Variants in SOX5 observed in about 807,000 individuals in gnomAD.
SOX5 encodes SRY-box transcription factor 5.
SOX5 carries 9 observed loss-of-function variants against 92.0 expected under a neutral mutation model. That is an observed-to-expected ratio of 0.10 (90% CI 0.06 to 0.17). SOX5 has a LOEUF of 0.17. Among genes scored for constraint, SOX5 ranks in the 10% least tolerant of loss-of-function variants. The pLI, the probability that SOX5 is intolerant of heterozygous loss-of-function variation, is 1.00. For synonymous variants in SOX5, 344 were observed against 336.3 expected, an observed-to-expected ratio of 1.02 and a Z score of -0.25; for missense variants, 642 against 944.5, an observed-to-expected ratio of 0.68 and a Z score of 4.20.
intron 7 of SOX5, among the ~76,000 whole-genome samples, chr12:23,661,926 T>C (rs1289394603): frequency 1.3e-5 from 2 of 152,184 alleles, no homozygotes; most frequent in African/African-American, 4.8e-5. Context: ...AATTGATATT[T>C]TAAATTATCT....
chr12:24,031,793 G>C (rs1569509514), intron 4 of SOX5, among the ~76,000 whole-genome samples: 1 of 151,776 alleles, frequency 6.6e-6, no homozygotes, highest in Non-Finnish European at 1.5e-5. Context: ...ATTGAGTATG[G>C]CTGGAGATAA....
intron 9 of SOX5, chr12:23,582,335 G>A: frequency 1.0e-6 from 1 of 967,490 alleles, no homozygotes; most frequent in Non-Finnish European, 1.2e-6. Context: ...ATAAAGAGAT[G>A]GAAGTGTACC....
intron 2 of SOX5, among the ~76,000 whole-genome samples, chr12:24,360,427 A>G (rs1245030263): frequency 6.6e-6 from 1 of 152,224 alleles, no homozygotes; most frequent in African/African-American, 2.4e-5. Context: ...CTTTATGTCA[A>G]CTAGGAAAAT....
chr12:23,759,829 A>G (rs1051491948), intron 3 of SOX5, among the ~76,000 whole-genome samples: 3 of 152,108 alleles, frequency 2.0e-5, no homozygotes, highest in African/African-American at 7.2e-5. Context: ...TTAATTTTCT[A>G]AAATAAGATT....
In SOX5 at chr12:23,665,579, A is replaced by G. The variant is rs2083660090; in HGVS notation, c.811-15T>C. On this transcript the variant is annotated splice_polypyrimidine_tract_variant and intron_variant, in intron 6 of 14. Coordinates refer to ENST00000451604, the MANE Select transcript of SOX5 (RefSeq NM_006940.6). ...TGACCTTGAACCTGCTGAACGTGATAGAGCGAATCAAAGAGAAGAAGTTTC... is the reference window on the plus strand; with the variant it reads ...TGACCTTGAACCTGCTGAACGTGATGGAGCGAATCAAAGAGAAGAAGTTTC... The G allele has an allele frequency of 1.3e-6, 2 of 1,595,196 alleles. No homozygotes were observed. The highest frequency in any genetic ancestry group is 3.6e-5 in the Admixed American group (2 of 55,884).
At chr12:24,305,310 A>G (rs1320027875) in intron 2 of SOX5, among the ~76,000 whole-genome samples, 1 of 152,222 alleles carries the variant, frequency 6.6e-6, no homozygotes, top group Non-Finnish European at 1.5e-5. Flanking sequence ...AGTGTAACAA[A>G]GAGAGATGTC....
Position 24,533,905 on chromosome 12 carries a change from G to A in SOX5, c.-251+28424C>T, listed in dbSNP as rs886397589. On this transcript the variant is annotated intron_variant, in intron 1 of 4. Transcript: ENST00000446891. ...ACAGGAGACAGTCGTTAGTGTGCAC[G>A]CTGTGAATGTATATTATGAATAATG... Among the ~76,000 whole-genome samples the A allele has an allele frequency of 9.9e-5, 15 of 152,184 alleles. No individual in the cohort carries two copies. The South Asian group carries it at 2.5e-3, about 25-fold the overall frequency.
intron 2 of SOX5, among the ~76,000 whole-genome samples, chr12:24,322,992 G>GT (rs1260147856): frequency 6.6e-6 from 1 of 151,508 alleles, no homozygotes; most frequent in African/African-American, 2.4e-5. Context: ...GTTTTGTTTT[G>GT]TTTTTTTAAA....
rs1181119850 is a variant in SOX5 at position 24,183,689 on chromosome 12, T to G, written c.-2+29654A>C. Among the ~76,000 whole-genome samples the G allele has an allele frequency of 2.0e-5, 3 of 152,188 alleles. No homozygotes were observed. In the East Asian group the frequency reaches 5.8e-4, roughly 29 times the overall value. ...AAAACTTCTTCCTGAAAGTGCCACA[T>G]TGTTTCAATTTTTATGTTGTTTTCC... On this transcript the variant is annotated intron_variant, in intron 4 of 4. Coordinates refer to the SOX5 transcript ENST00000446891.
chr12:24,073,835 A>G (rs1942125912), intron 4 of SOX5, among the ~76,000 whole-genome samples: 1 of 152,252 alleles, frequency 6.6e-6, no homozygotes, highest in Non-Finnish European at 1.5e-5. Flanking sequence ...ATGAAATTTT[A>G]CAAAACCATG....
At chr12:23,672,425 C>G (rs1333334493) in intron 6 of SOX5, among the ~76,000 whole-genome samples, 1 of 152,168 alleles carries the variant, frequency 6.6e-6, no homozygotes, top group East Asian at 1.9e-4. Flanking sequence ...TAATTCCCCT[C>G]TTCCTCCTCC....
chr12:24,468,404 T>C (rs779419576), intron 1 of SOX5, among the ~76,000 whole-genome samples: 1 of 152,050 alleles, frequency 6.6e-6, no homozygotes, highest in Non-Finnish European at 1.5e-5. Flanking sequence ...ATGTAAAGTA[T>C]ATAGAACAGA....
intron 1 of SOX5, among the ~76,000 whole-genome samples, chr12:24,523,312 AC>A (rs1950416429): frequency 6.6e-6 from 1 of 152,178 alleles, no homozygotes; most frequent in South Asian, 2.1e-4. Flanking sequence ...TGTCCATACT[AC>A]CCAAAATGAT....
chr12:24,329,565 A>G (rs560226443), intron 2 of SOX5, among the ~76,000 whole-genome samples: 59 of 152,354 alleles, frequency 3.9e-4, no homozygotes, highest in African/African-American at 1.3e-3. Context: ...AATGTTTCCA[A>G]TTAAGAAATT....
At chr12:24,536,772 C>T (rs531672824) in intron 1 of SOX5, among the ~76,000 whole-genome samples, 2 of 152,286 alleles carry the variant, frequency 1.3e-5, no homozygotes, top group African/African-American at 2.4e-5. Context: ...TATTCTTCAT[C>T]ACTACATTAA....
intron 1 of SOX5, among the ~76,000 whole-genome samples, chr12:24,378,990 C>T (rs1214326378): frequency 1.3e-5 from 2 of 152,208 alleles, no homozygotes. Flanking sequence ...GACTGAAAAC[C>T]AATATGCCAA....
chr12:24,068,700 GTGTGTATATATATATATA>G (rs1191304765), intron 4 of SOX5, among the ~76,000 whole-genome samples: 4 of 54,088 alleles, frequency 7.4e-5, no homozygotes, highest in African/African-American at 3.1e-4. Context: ...GTGTGTGTGT[GTGTGTATATATATATATA>G]TATATATATA....
intron 4 of SOX5, among the ~76,000 whole-genome samples, chr12:24,117,880 C>T (rs952867895): frequency 6.6e-6 from 1 of 151,656 alleles, no homozygotes; most frequent in African/African-American, 2.4e-5. Flanking sequence ...ATTAGCTGGG[C>T]GTGATGGCGG....
At chr12:23,947,019 C>T (rs1211906935) in intron 1 of SOX5, among the ~76,000 whole-genome samples, 1 of 151,878 alleles carries the variant, frequency 6.6e-6, no homozygotes, top group Admixed American at 6.6e-5. Flanking sequence ...ATATACAAAT[C>T]TAAATCCAAA....
Sources: allele counts gnomAD v4.1 joint callset (sites outside exome capture counted in the v4.1 genomes callset), GRCh38; gene constraint gnomAD v4.1.1; transcripts MANE v1.5; gene names NCBI Gene and HGNC (gene_info 2026-07-23, HGNC 2026-07-21).